FRY: variants seen among roughly 807,000 people sequenced by gnomAD.
FRY encodes the protein FRY microtubule binding protein.
FRY carries 128 observed loss-of-function variants against 348.4 expected under a neutral mutation model. That is an observed-to-expected ratio of 0.37 (90% CI 0.32 to 0.43). The LOEUF is 0.43. FRY is among the 20% of genes least tolerant of loss of function. FRY has a pLI of 1.00. For synonymous variants in FRY, 1,370 were observed against 1,374.7 expected, an observed-to-expected ratio of 1.00 and a Z score of 0.08; for missense variants, 2,736 against 3,695.2, an observed-to-expected ratio of 0.74 and a Z score of 6.73.
rs111657385 is a variant in FRY at position 32,210,994 on chromosome 13, C to T, written c.4551C>T (p.Tyr1517=). Residue 1517 remains tyrosine, a synonymous_variant, in exon 34 of 61, where the codon TAC becomes TAT. Transcript: ENST00000542859. ...IVQHCDNPPF[Y]RFTASSKASA... ...AGCATTGTGACAACCCGCCCTTCTA[C>T]CGCTTCACGGCCAGTAGCAAGGCTT... 3.5e-3 allele frequency: 5,578 copies of T among 1,614,004 alleles called. 182 individuals carry two copies. The African/African-American group carries it at 0.066, about 19-fold the overall frequency.
intron 36 of FRY, among the ~76,000 whole-genome samples, chr13:32,219,384 C>T (rs1388281992): frequency 2.7e-5 from 4 of 149,464 alleles, no homozygotes; most frequent in Non-Finnish European, 5.9e-5. Context: ...CCACCGCGCC[C>T]GGCCGTGTTT....
chr13:32,108,846 G>A lies in FRY; in HGVS notation c.324+6830G>A, dbSNP rs111810460. On this transcript the variant is annotated intron_variant, in intron 3 of 60. Coordinates refer to ENST00000542859, the MANE Select transcript of FRY (RefSeq NM_023037.3). Reference sequence around the variant, plus strand: ...ATAACCCCTTGAGAGGTATGCTTTAGTTTTCCATTGTAAACAAACATTTCC... The same window carrying A: ...ATAACCCCTTGAGAGGTATGCTTTAATTTTCCATTGTAAACAAACATTTCC... Among the ~76,000 whole-genome samples, 675 of 152,296 alleles carry A rather than the reference G, an allele frequency of 4.4e-3. 2 individuals carry two copies. Among genetic ancestry groups the A allele is most frequent in the African/African-American group, 0.016 (650 of 41,558 alleles).
At position 32,178,214 on chromosome 13, in the gene FRY, G is replaced by A; in HGVS notation, c.2459G>A (p.Trp820Ter). The A allele has an allele frequency of 6.2e-7, 1 of 1,614,194 alleles. No homozygotes were observed. The highest frequency in any genetic ancestry group is 8.5e-7 in the Non-Finnish European group (1 of 1,180,002). Residue 820 changes from tryptophan to a stop codon, truncating the protein, a stop_gained, in exon 21 of 61, where the codon TGG (tryptophan) becomes TAG (stop). Transcript: ENST00000542859. LOFTEE classifies it high-confidence loss of function. Reference sequence around the variant, plus strand: ...CTCACCCACAATGTGGATCTGCAGTGGTTGGTGGAATGGAACGCAGTCCTG... The same window carrying A: ...CTCACCCACAATGTGGATCTGCAGTAGTTGGTGGAATGGAACGCAGTCCTG... ...LPLTHNVDLQ[W>*]LVEWNAVLVN...
rs1359423568 is a variant in FRY at position 32,062,884 on chromosome 13, A to G, written c.71-15950A>G. Among the ~76,000 whole-genome samples the G allele has an allele frequency of 9.9e-5, 15 of 152,042 alleles. No homozygotes were observed. In the East Asian group the frequency reaches 2.3e-3, roughly 23 times the overall value. On this transcript the variant is annotated intron_variant, in intron 1 of 60. Transcript: ENST00000542859. The stretch of plus-strand genomic sequence containing the variant: ...TATTTTATAATGGCATATATATACC[A>G]TCACATATATTTTATAATGCATATA...
At chr13:32,093,210 A>G (rs1181431661) in intron 2 of FRY, among the ~76,000 whole-genome samples, 1 of 152,192 alleles carries the variant, frequency 6.6e-6, no homozygotes, top group Non-Finnish European at 1.5e-5. Context: ...CAAAACTGCA[A>G]TACTATTACT....
intron 1 of FRY, among the ~76,000 whole-genome samples, chr13:32,058,359 C>A (rs1474904435): frequency 6.6e-6 from 1 of 152,080 alleles, no homozygotes; most frequent in Non-Finnish European, 1.5e-5. Context: ...CATAATTTAA[C>A]CACATCTAAA....
chr13:32,072,325 T>A (rs1042336889), intron 1 of FRY, among the ~76,000 whole-genome samples: 2 of 151,366 alleles, frequency 1.3e-5, no homozygotes, highest in Non-Finnish European at 3.0e-5. Flanking sequence ...TTTTTCGGTA[T>A]TTTTTTTTAC....
chr13:32,261,692 T>A lies in FRY; in HGVS notation c.7493T>A (p.Ile2498Asn), dbSNP rs2138543973. The A allele has an allele frequency of 6.2e-7, 1 of 1,614,106 alleles. No homozygotes were observed. The highest frequency in any genetic ancestry group is 1.7e-5 in the Admixed American group (1 of 60,022). The change falls in exon 52 of 61, where the codon ATT becomes AAT. Residue 2498 changes from isoleucine to asparagine, a missense_variant. This residue lies in a region of FRY where 789 missense variants were observed against 996.2 expected (regional missense o/e 0.79). Coordinates refer to ENST00000542859, the MANE Select transcript of FRY (RefSeq NM_023037.3). The part of the protein sequence containing the change: ...LDSLDKCDMQ[I>N]LEERQLSGST... ...AGCCTGGATAAGTGTGATATGCAGATTCTGGAGGAGCGCCAACTGTCAGGA... is the reference window on the plus strand; with the variant it reads ...AGCCTGGATAAGTGTGATATGCAGAATCTGGAGGAGCGCCAACTGTCAGGA...
At chr13:32,113,037 G>A (rs1459825825) in intron 3 of FRY, among the ~76,000 whole-genome samples, 1 of 152,090 alleles carries the variant, frequency 6.6e-6, no homozygotes, top group Non-Finnish European at 1.5e-5. Context: ...TTAATGTATA[G>A]ATTTTTATGA....
chr13:32,239,892 T>G lies in FRY; in HGVS notation c.6687+11T>G, dbSNP rs986541807. On this transcript the variant is annotated intron_variant, in intron 46 of 60. Coordinates refer to ENST00000542859, the MANE Select transcript of FRY (RefSeq NM_023037.3). This position sits in a 1 kb window ranked among gnomAD's most constrained non-coding sequence, Gnocchi z 4.3. ...ACCTACCTGGCAGAGGTAAGCTTTT[T>G]TTTTTTGTTTTTTGAGACAGGGTCT... is the stretch of plus-strand genomic sequence containing the variant. 1.2e-6 allele frequency: 2 copies of G among 1,612,494 alleles called. No homozygotes were observed. The highest frequency in any genetic ancestry group is 1.7e-5 in the Admixed American group (1 of 59,848).
At chr13:32,045,373 G>T (rs530318839) in intron 1 of FRY, among the ~76,000 whole-genome samples, 1 of 152,192 alleles carries the variant, frequency 6.6e-6, no homozygotes, top group East Asian at 1.9e-4. Context: ...CTCCCATCTG[G>T]AGCACTCACA....
At chr13:32,098,840 A>C (rs936426069) in intron 2 of FRY, among the ~76,000 whole-genome samples, 6 of 152,104 alleles carry the variant, frequency 3.9e-5, no homozygotes, top group Non-Finnish European at 7.3e-5. Flanking sequence ...TACTCTGAAC[A>C]GAAAATGTTA....
chr13:32,145,881 G>A (rs905098947), intron 11 of FRY, among the ~76,000 whole-genome samples: 1 of 152,080 alleles, frequency 6.6e-6, no homozygotes, highest in Non-Finnish European at 1.5e-5. Context: ...CCCACAGCTG[G>A]TCTCCCTGCC....
chr13:32,072,867 A>G (rs1648452351), intron 1 of FRY, among the ~76,000 whole-genome samples: 1 of 152,212 alleles, frequency 6.6e-6, no homozygotes, highest in Non-Finnish European at 1.5e-5. Context: ...TAATTTATGT[A>G]CAACCATGAA....
chr13:32,281,832 T>G (rs1294872350), intron 58 of FRY, among the ~76,000 whole-genome samples: 1 of 152,204 alleles, frequency 6.6e-6, no homozygotes, highest in Non-Finnish European at 1.5e-5. Context: ...TCTGGATACT[T>G]GGTTACAGTT....
intron 1 of FRY, among the ~76,000 whole-genome samples, 158 bp downstream of exon 1, chr13:32,032,023 T>TTCTTTCTTTCTTTCTTTCTTTTTC (rs1182595636): frequency 8.2e-5 from 11 of 134,044 alleles, no homozygotes; most frequent in African/African-American, 3.4e-4. Flanking sequence ...CTTTCTTTCT[T>TTCTTTCTTTCTTTCTTTCTTTTTC]TTTCTTTCTT....
Position 32,078,294 on chromosome 13 carries a change from C to T in FRY, c.71-540C>T, listed in dbSNP as rs551348325. ...GGCAAACAGAGCACTGCCTGAGCCT[C>T]GTATCTTTCAAGAGGTGTGTCCCTT... is the stretch of plus-strand genomic sequence containing the variant. On this transcript the variant is annotated intron_variant, in intron 1 of 60. Coordinates refer to ENST00000542859, the MANE Select transcript of FRY (RefSeq NM_023037.3). 4.6e-5 allele frequency among the ~76,000 whole-genome samples: 7 copies of T among 152,228 alleles called. No individual in the cohort carries two copies. In the South Asian group the frequency reaches 6.2e-4, roughly 14 times the overall value.
At chr13:32,208,041 G>T (rs1321007518) in intron 31 of FRY, among the ~76,000 whole-genome samples, 2 of 152,200 alleles carry the variant, frequency 1.3e-5, no homozygotes, top group Non-Finnish European at 2.9e-5. Flanking sequence ...AATGCTGCTG[G>T]CAGTGAAACA....
chr13:32,093,544 T>G (rs535865768), intron 2 of FRY, among the ~76,000 whole-genome samples: 33 of 152,234 alleles, frequency 2.2e-4, no homozygotes, highest in Non-Finnish European at 4.4e-4. Context: ...AATTGGAAAT[T>G]AGATAGAAAG....
Sources: gnomAD v4.1 joint callset for allele counts (sites outside exome capture counted in the v4.1 genomes callset) on GRCh38, gnomAD v4.1.1 for gene constraint, gnomAD v4.1.1 regional missense constraint, Gnocchi (gnomAD v3.1) non-coding constraint, MANE v1.5 for transcripts, NCBI Gene and HGNC (gene_info 2026-07-23, HGNC 2026-07-21) for gene names.